CDH12: variants seen among roughly 807,000 people sequenced by gnomAD.
CDH12 encodes the protein cadherin-12.
In CDH12, 41 loss-of-function variants were observed where a neutral mutation model predicts 74.1. The observed-to-expected ratio is 0.55, with a 90% CI of 0.43 to 0.72. The LOEUF is 0.72. Among genes scored for constraint, CDH12 ranks in the 30% least tolerant of loss-of-function variants. The pLI is 0.00. For missense variants in CDH12, 945 were observed against 977.2 expected (o/e 0.97, Z 0.44); for synonymous variants, 399 against 355.0 (o/e 1.12, Z -1.39).
At chr5:22,382,882 G>C (rs10071512) in intron 3 of CDH12, among the ~76,000 whole-genome samples, 1,543 of 152,124 alleles carry the variant, frequency 0.01, 27 homozygotes, top group African/African-American at 0.035. Context: ...CCAGGCTGTA[G>C]TGCAATGGCG....
intron 3 of CDH12, among the ~76,000 whole-genome samples, chr5:22,219,686 T>C (rs1751943055): frequency 6.6e-6 from 1 of 151,674 alleles, no homozygotes; most frequent in African/African-American, 2.4e-5. Flanking sequence ...GGTAAAATAA[T>C]GGTAAAAATA....
intron 1 of CDH12, among the ~76,000 whole-genome samples, chr5:22,593,004 T>C (rs1243450069): frequency 1.4e-5 from 2 of 139,454 alleles, no homozygotes; most frequent in Non-Finnish European, 3.0e-5. Flanking sequence ...CACTGTAGCC[T>C]GAGTGACAGA....
chr5:22,429,094 CTTTTA>C (rs1467463459), intron 2 of CDH12, among the ~76,000 whole-genome samples: 2 of 149,658 alleles, frequency 1.3e-5, no homozygotes, highest in Non-Finnish European at 3.0e-5. Context: ...TAATATCCCA[CTTTTA>C]TTCTATTTTA....
intron 1 of CDH12, among the ~76,000 whole-genome samples, chr5:22,651,493 C>G (rs1184000625): frequency 6.6e-6 from 1 of 151,976 alleles, no homozygotes; most frequent in African/African-American, 2.4e-5. Flanking sequence ...GGAGAACTAC[C>G]AAACACCTAT....
intron 6 of CDH12, among the ~76,000 whole-genome samples, chr5:21,945,998 A>G (rs1755562740): frequency 6.6e-6 from 1 of 151,730 alleles, no homozygotes; most frequent in Admixed American, 6.6e-5. Flanking sequence ...AAAAAAAATT[A>G]AAAATCTTGA....
intron 3 of CDH12, chr5:22,213,756 T>C (rs562851289): frequency 1.3e-5 from 2 of 152,150 alleles, no homozygotes; most frequent in South Asian, 2.1e-4. Context: ...AAAGAACAGA[T>C]GAAAAAAGTA....
intron 4 of CDH12, among the ~76,000 whole-genome samples, chr5:22,138,845 A>ATATATATATATATATATATATATAT (rs1746612743): frequency 3.9e-5 from 3 of 76,552 alleles, no homozygotes; most frequent in Admixed American, 1.7e-4. Flanking sequence ...ATATATACGT[A>ATATATATATATATATATATATATAT]ATATATATAT....
At chr5:22,335,093 C>A (rs1015214698) in intron 3 of CDH12, among the ~76,000 whole-genome samples, 10 of 152,116 alleles carry the variant, frequency 6.6e-5, no homozygotes, top group African/African-American at 2.4e-4. Flanking sequence ...TTCAAAACTA[C>A]TCATCTGACA....
At position 21,833,077 on chromosome 5, in the gene CDH12, T is replaced by TA. The variant is rs1561224678; in HGVS notation, c.814+9083dup. Among the ~76,000 whole-genome samples the TA allele has an allele frequency of 7.0e-4, 38 of 53,958 alleles. 3 individuals carry two copies. Among genetic ancestry groups the TA allele is most frequent in the African/African-American group, 2.3e-3 (37 of 16,282 alleles). 35.4% of individuals were successfully genotyped at this position (53,958 alleles called of 152,430 possible). On this transcript the variant is annotated intron_variant, in intron 8 of 14. Coordinates refer to ENST00000382254, the MANE Select transcript of CDH12 (RefSeq NM_004061.5). ...TATATGTTATATAACATATAATATA[T>TA]ATTATATTATAAATATATATTATAT...
At chr5:22,129,663 G>T (rs1394660229) in intron 4 of CDH12, among the ~76,000 whole-genome samples, 1 of 152,072 alleles carries the variant, frequency 6.6e-6, no homozygotes, top group Non-Finnish European at 1.5e-5. Context: ...GTGCTTTTCA[G>T]TGCTCCAGCT....
At chr5:21,918,843 ATAAT>A (rs926569913) in intron 6 of CDH12, among the ~76,000 whole-genome samples, 16 of 152,328 alleles carry the variant, frequency 1.1e-4, no homozygotes, top group Middle Eastern at 3.4e-3. Context: ...TGGGAAATGC[ATAAT>A]TACTCAAATT....
intron 1 of CDH12, among the ~76,000 whole-genome samples, chr5:22,509,989 C>T (rs1002948163): frequency 2.0e-5 from 3 of 151,654 alleles, no homozygotes; most frequent in African/African-American, 7.3e-5. Context: ...ACGTAAGACC[C>T]TAGATTCCAT....
chr5:22,763,159 T>C (rs1015171094), intron 1 of CDH12, among the ~76,000 whole-genome samples: 1 of 151,984 alleles, frequency 6.6e-6, no homozygotes, highest in African/African-American at 2.4e-5. Flanking sequence ...AACATCATGG[T>C]AATTTAAGTG....
At chr5:22,273,093 C>A (rs1410093640) in intron 3 of CDH12, among the ~76,000 whole-genome samples, 3 of 152,100 alleles carry the variant, frequency 2.0e-5, no homozygotes, top group Non-Finnish European at 4.4e-5. Flanking sequence ...GTCCCTCCCC[C>A]AACATGTGGG....
intron 1 of CDH12, among the ~76,000 whole-genome samples, chr5:22,691,679 CTTT>C (rs1742090536): frequency 6.6e-6 from 1 of 152,178 alleles, no homozygotes; most frequent in African/African-American, 2.4e-5. Flanking sequence ...CATTTGCAAT[CTTT>C]TGAGATTCAC....
chr5:22,486,213 G>T (rs1746586839), intron 2 of CDH12, among the ~76,000 whole-genome samples: 1 of 152,122 alleles, frequency 6.6e-6, no homozygotes, highest in South Asian at 2.1e-4. Context: ...CATAGTTCTA[G>T]TTATAGTCTC....
chr5:21,974,972 T>G, intron 6 of CDH12, 119 bp downstream of exon 6: 1 of 732,526 alleles, frequency 1.4e-6, no homozygotes. Context: ...AAGAACTGTA[T>G]TTTCTAGAAT....
At chr5:22,739,102 T>C (rs1744885040) in intron 1 of CDH12, among the ~76,000 whole-genome samples, 3 of 151,962 alleles carry the variant, frequency 2.0e-5, no homozygotes, top group Admixed American at 1.3e-4. Context: ...AGCTCAAATG[T>C]CACTAAAGAA....
chr5:22,502,026 C>T (rs1736178648), intron 2 of CDH12, among the ~76,000 whole-genome samples: 1 of 152,134 alleles, frequency 6.6e-6, no homozygotes, highest in African/African-American at 2.4e-5. Context: ...GAAAAGCTCA[C>T]TTCCAAAACT....
Sources: gnomAD v4.1 joint callset for allele counts (sites outside exome capture counted in the v4.1 genomes callset) on GRCh38, gnomAD v4.1.1 for gene constraint, MANE v1.5 for transcripts, NCBI Gene and HGNC (gene_info 2026-07-23, HGNC 2026-07-21) for gene names.